The following HEG1 variants were observed in gnomAD, a reference collection of about 807,000 sequenced individuals.
HEG1 encodes the protein protein HEG homolog 1.
HEG1 carries 56 observed loss-of-function variants against 125.6 expected under a neutral mutation model. The ratio of observed to expected loss-of-function variants is 0.45; its 90% CI spans 0.36 to 0.56. The LOEUF is 0.56. Among genes scored for constraint, HEG1 ranks in the 20% least tolerant of loss-of-function variants. The pLI, the probability that HEG1 is intolerant of heterozygous loss-of-function variation, is 0.00. For synonymous variants in HEG1, 644 were observed against 668.5 expected (o/e 0.96, Z 0.57); for missense variants, 1,523 against 1,670.0 (o/e 0.91, Z 1.53).
intron 1 of HEG1, among the ~76,000 whole-genome samples, chr3:125,054,866 C>T (rs1222795766): frequency 6.6e-6 from 1 of 152,138 alleles, no homozygotes; most frequent in Non-Finnish European, 1.5e-5. Context: ...CATATTTTTC[C>T]AGATCATAAG....
At chr3:124,997,607 A>G (rs940501461) in intron 12 of HEG1, 82 bp downstream of exon 12, 2 of 1,375,220 alleles carry the variant, frequency 1.5e-6, no homozygotes, top group African/African-American at 2.9e-5. Flanking sequence ...AAGCAAAGAC[A>G]GAGAGAGAGC....
chr3:125,038,605 T>G (rs1266994515), intron 1 of HEG1, among the ~76,000 whole-genome samples: 8 of 152,224 alleles, frequency 5.3e-5, no homozygotes, highest in African/African-American at 1.7e-4. Flanking sequence ...TGCTAAAATA[T>G]GTACTGAAGT....
rs568055262 is a variant in HEG1, at chr3:125,006,100, A to T, written c.3194-732T>A. ...ACCTCTGTGCCCTGAGGAATCTGAT[A>T]TCCTAAGGACACCCAAGGGACTTGA... On this transcript the variant is annotated intron_variant, in intron 8 of 16. Coordinates refer to ENST00000311127, the MANE Select transcript of HEG1 (RefSeq NM_020733.2). 1.0e-3 allele frequency among the ~76,000 whole-genome samples: 153 copies of T among 152,296 alleles called. 1 individual carries two copies. Among genetic ancestry groups the T allele is most frequent in the African/African-American group, 3.5e-3 (145 of 41,568 alleles).
chr3:124,997,097 C>T (rs1039728489), intron 12 of HEG1, among the ~76,000 whole-genome samples: 1 of 152,158 alleles, frequency 6.6e-6, no homozygotes, highest in Non-Finnish European at 1.5e-5. Context: ...ACAACCTGGA[C>T]CAAATACAAG....
chr3:125,020,893 T>C lies in HEG1; in HGVS notation c.1151A>G (p.Asn384Ser), dbSNP rs769157465. The C allele has an allele frequency of 6.2e-7, 1 of 1,614,038 alleles. No individual in the cohort carries two copies. The highest frequency in any genetic ancestry group is 2.2e-5 in the East Asian group (1 of 44,876). The stretch of plus-strand genomic sequence containing the variant: ...CCCTGGATTCCCAGTTACTCTACTG[T>C]TTCTTCTCGATTCCACTGCAGAGGG... ...LSPSAVESRR[N>S]SRVTGNPGDE... The change falls in exon 4 of 17, where the codon AAC becomes AGC. Residue 384 changes from asparagine to serine, a missense_variant. Asn to Ser is a conservative substitution (Grantham distance 46). Transcript: ENST00000311127.
chr3:125,013,613 C>T lies in HEG1; in HGVS notation c.1966G>A (p.Val656Ile). The part of the protein sequence containing the change: ...SVVLDTDAEF[V>I]SDSSSSSSSS... ...GAAGAGGAGGAGGAGGAGTCACTAACAAACTCAGCATCAGTGTCCAGAACA... is the reference window on the plus strand; with the variant it reads ...GAAGAGGAGGAGGAGGAGTCACTAATAAACTCAGCATCAGTGTCCAGAACA... The change falls in exon 6 of 17, where the codon GTT becomes ATT. Residue 656 changes from valine (V) to isoleucine (I), a missense_variant. Physicochemically the swap from Val to Ile is conservative, Grantham distance 29. Coordinates refer to ENST00000311127, the MANE Select transcript of HEG1 (RefSeq NM_020733.2). The T allele has an allele frequency of 2.1e-6, 3 of 1,430,824 alleles. No individual in the cohort carries two copies. Among genetic ancestry groups the T allele is most frequent in the Non-Finnish European group, 2.8e-6 (3 of 1,083,922 alleles). The allele number at this position is 1,430,824 out of a possible 1,614,324, so 88.6% of individuals were successfully genotyped here. A position where few individuals can be genotyped will look rare whatever the true frequency, so the allele number is the denominator to read the frequency against.
At position 125,019,497 on chromosome 3, in the gene HEG1, A is replaced by C. The variant is rs1451064968; in HGVS notation, c.1353T>G (p.Gly451=). 1 of 1,613,758 alleles carries C rather than the reference A, an allele frequency of 6.2e-7. No individual in the cohort carries two copies. The highest frequency in any genetic ancestry group is 8.5e-7 in the Non-Finnish European group (1 of 1,179,866). ...TVSRSVAPMR[G]GEITAHWLLT... is the part of the protein sequence containing the mutation. ...AGAGCCAGTGTGCAGTGATCTCTCCACCTCTCATGGGTGCGACTGACCTAG... is the reference window on the plus strand; with the variant it reads ...AGAGCCAGTGTGCAGTGATCTCTCCCCCTCTCATGGGTGCGACTGACCTAG... Residue 451 remains glycine (G), a synonymous_variant, in exon 5 of 17, where the codon GGT becomes GGG. Transcript: ENST00000311127.
At chr3:124,976,310 C>T (rs1270269990) in intron 15 of HEG1, among the ~76,000 whole-genome samples, 4 of 152,102 alleles carry the variant, frequency 2.6e-5, no homozygotes, top group African/African-American at 9.7e-5. Flanking sequence ...CCTCAGCCTC[C>T]CGAGTAGCTG....
intron 8 of HEG1, among the ~76,000 whole-genome samples, chr3:125,007,024 C>A (rs1050119405): frequency 6.6e-6 from 1 of 151,422 alleles, no homozygotes; most frequent in African/African-American, 2.4e-5. Flanking sequence ...ACGGTGAAAC[C>A]CCGTCTCTAC....
At chr3:125,007,913 C>CTT (rs752094859) in intron 8 of HEG1, among the ~76,000 whole-genome samples, 8 of 144,864 alleles carry the variant, frequency 5.5e-5, no homozygotes, top group African/African-American at 2.0e-4. Context: ...AAAAGAAATT[C>CTT]TTTTTTTTTT....
chr3:124,974,674 C>T (rs9790108), intron 15 of HEG1, among the ~76,000 whole-genome samples: 35,898 of 152,152 alleles, frequency 0.24, 4,362 homozygotes, highest in East Asian at 0.36. Flanking sequence ...CCTATCTAAC[C>T]GGTCCAGGAT....
At chr3:124,990,899 A>C in intron 13 of HEG1, 45 bp downstream of exon 13, 1 of 1,553,602 alleles carries the variant, frequency 6.4e-7, no homozygotes, top group Non-Finnish European at 8.7e-7. Context: ...AATTTATCTA[A>C]ATAAGATTTG....
chr3:124,989,067 A>T (rs1271626626), intron 14 of HEG1, among the ~76,000 whole-genome samples: 1 of 152,256 alleles, frequency 6.6e-6, no homozygotes, highest in Admixed American at 6.5e-5. Context: ...GATAAATCAG[A>T]TGACCAAAGT....
chr3:125,024,972 T>C lies in HEG1; in HGVS notation c.913+2233A>G, dbSNP rs1937395143. Among the ~76,000 whole-genome samples, 4 of 152,202 alleles carry C rather than the reference T, an allele frequency of 2.6e-5. No homozygotes were observed. In the South Asian group the frequency reaches 8.3e-4, roughly 32 times the overall value. The stretch of plus-strand genomic sequence containing the variant: ...AGGCTTTTCACAGGGTCATATTTCC[T>C]AGTGGGTGGAGTGGCCAAGTGTTCA... On this transcript the variant is annotated intron_variant, in intron 3 of 16. Coordinates refer to ENST00000311127, the MANE Select transcript of HEG1 (RefSeq NM_020733.2).
chr3:124,985,310 T>C (rs1044462676), intron 14 of HEG1, among the ~76,000 whole-genome samples: 7 of 152,228 alleles, frequency 4.6e-5, no homozygotes, highest in Non-Finnish European at 1.5e-5. Context: ...TACTCTCCTC[T>C]TCCCTTAACT....
At chr3:125,019,178 G>C (rs1035578724) in intron 5 of HEG1, 84 bp downstream of exon 5, 6 of 1,228,176 alleles carry the variant, frequency 4.9e-6, no homozygotes, top group Non-Finnish European at 7.0e-6. Flanking sequence ...CTCATGCGTG[G>C]TTTTAATACG....
chr3:125,005,759 G>A (rs1367558551), intron 8 of HEG1, among the ~76,000 whole-genome samples: 1 of 152,180 alleles, frequency 6.6e-6, no homozygotes, highest in Non-Finnish European at 1.5e-5. Flanking sequence ...GGAGGAGGGA[G>A]GGAGATGTGT....
chr3:125,024,516 T>C (rs1033278948), intron 3 of HEG1, among the ~76,000 whole-genome samples: 3 of 152,250 alleles, frequency 2.0e-5, no homozygotes, highest in African/African-American at 4.8e-5. Context: ...ATGGTCATTA[T>C]TAAAAAATAT....
At chr3:125,047,419 G>A (rs1453231970) in intron 1 of HEG1, among the ~76,000 whole-genome samples, 1 of 152,214 alleles carries the variant, frequency 6.6e-6, no homozygotes, top group Non-Finnish European at 1.5e-5. Context: ...TTTGACAGAT[G>A]ATAAACTGAC....
Sources: gnomAD v4.1 joint callset for allele counts (sites outside exome capture counted in the v4.1 genomes callset) on GRCh38, gnomAD v4.1.1 for gene constraint, MANE v1.5 for transcripts, NCBI Gene and HGNC (gene_info 2026-07-23, HGNC 2026-07-21) for gene names.